The following SPAST variants were observed in gnomAD, a reference collection of about 807,000 sequenced individuals.
SPAST encodes spastic paraplegia 4 (autosomal dominant; spastin).
A neutral mutation model predicts 76.6 loss-of-function variants in SPAST; 30 were observed. The observed-to-expected ratio is 0.39, with a 90% CI of 0.29 to 0.53. The LOEUF (loss-of-function observed/expected upper bound fraction) is 0.53. SPAST is among the 20% of genes least tolerant of loss of function. The pLI is 0.68. For synonymous variants in SPAST, 305 were observed against 281.0 expected, an observed-to-expected ratio of 1.09 and a Z score of -0.86; for missense variants, 717 against 770.5, an observed-to-expected ratio of 0.93 and a Z score of 0.82.
intron 5 of SPAST, 130 bp from the exon 6 acceptor site, chr2:32,115,572 C>A: frequency 1.5e-6 from 1 of 656,660 alleles, no homozygotes; most frequent in South Asian, 2.2e-5. Context: ...AATAAATATA[C>A]AATTTATGGA....
chr2:32,071,319 A>G (rs1373738759), intron 1 of SPAST, among the ~76,000 whole-genome samples: 1 of 152,186 alleles, frequency 6.6e-6, no homozygotes, highest in African/African-American at 2.4e-5. Context: ...AATTTTTTCT[A>G]TTCATAGTTT....
At chr2:32,072,425 G>T (rs1181275354) in intron 1 of SPAST, among the ~76,000 whole-genome samples, 2 of 152,090 alleles carry the variant, frequency 1.3e-5, no homozygotes, top group Admixed American at 6.6e-5. Context: ...GCGTCTTATT[G>T]CTACAAAACA....
At chr2:32,093,820 T>A (rs530152993) in intron 3 of SPAST, among the ~76,000 whole-genome samples, 95 of 150,130 alleles carry the variant, frequency 6.3e-4, no homozygotes, top group Middle Eastern at 6.9e-3. Flanking sequence ...ATCTTAAAAA[T>A]ATATATATAT....
At chr2:32,093,615 C>T (rs1001603447) in intron 3 of SPAST, among the ~76,000 whole-genome samples, 1 of 152,094 alleles carries the variant, frequency 6.6e-6, no homozygotes, top group African/African-American at 2.4e-5. Flanking sequence ...TTATTGTGTA[C>T]TATCTGTCTT....
intron 7 of SPAST, among the ~76,000 whole-genome samples, chr2:32,117,688 C>A (rs1678888075): frequency 6.6e-6 from 1 of 151,916 alleles, no homozygotes; most frequent in African/African-American, 2.4e-5. Flanking sequence ...TGCACCCCAA[C>A]ACCTGGCTAA....
intron 4 of SPAST, among the ~76,000 whole-genome samples, chr2:32,110,748 T>C (rs962625095): frequency 2.2e-5 from 3 of 137,360 alleles, no homozygotes; most frequent in East Asian, 2.1e-4. Context: ...GTATAGTATA[T>C]ATAGTATAGT....
intron 15 of SPAST, 91 bp downstream of exon 15, chr2:32,145,098 T>C (rs1679844772): frequency 1.0e-6 from 1 of 958,656 alleles, no homozygotes; most frequent in Admixed American, 2.1e-5. Context: ...AAGAGATTTT[T>C]TTTTTCTTTT....
chr2:32,069,551 CT>C (rs36023742), intron 1 of SPAST, among the ~76,000 whole-genome samples: 124 of 139,596 alleles, frequency 8.9e-4, no homozygotes, highest in South Asian at 3.9e-3. Flanking sequence ...CATGACTTAT[CT>C]TTTTTTTTTT....
chr2:32,143,473 C>CT (rs1388579713), intron 14 of SPAST, 58 bp downstream of exon 14: 5 of 1,040,948 alleles, frequency 4.8e-6, no homozygotes, highest in South Asian at 2.8e-5. Flanking sequence ...GTAAATAATT[C>CT]TTTTTTTAGT....
intron 7 of SPAST, among the ~76,000 whole-genome samples, chr2:32,116,980 G>A (rs1367540205): frequency 6.6e-6 from 1 of 150,524 alleles, no homozygotes; most frequent in African/African-American, 2.4e-5. Flanking sequence ...AACAAAACAG[G>A]CCGGGTACGG....
chr2:32,076,295 A>G (rs1044856417), intron 1 of SPAST, among the ~76,000 whole-genome samples: 2 of 152,288 alleles, frequency 1.3e-5, no homozygotes, highest in African/African-American at 4.8e-5. Context: ...AGGGTTTAAA[A>G]CTTTCCAAAT....
chr2:32,106,544 G>A (rs1678329000), intron 4 of SPAST, among the ~76,000 whole-genome samples: 1 of 152,154 alleles, frequency 6.6e-6, no homozygotes, highest in African/African-American at 2.4e-5. Context: ...GCTCACACTG[G>A]GAGCTGCAGA....
In SPAST at chr2:32,113,560, CTTTTTTTTTTTTTT is replaced by C. The variant is rs10534612; in HGVS notation, c.683-1068_683-1055del. Among the ~76,000 whole-genome samples, 9 of 90,946 alleles carry C rather than the reference CTTTTTTTTTTTTTT, an allele frequency of 9.9e-5. No homozygotes were observed. In the East Asian group the frequency reaches 2.4e-3, roughly 25 times the overall value. 59.7% of individuals were successfully genotyped at this position (90,946 alleles called of 152,430 possible). A position where few individuals can be genotyped will look rare whatever the true frequency, so the allele number is the denominator to read the frequency against. ...TTTGAGAGCTTTATTTGCTTCATAA[CTTTTTTTTTTTTTT>C]TTTTTTTTTGAGACAGAGTTTCACT... is the stretch of plus-strand genomic sequence containing the variant. On this transcript the variant is annotated intron_variant, in intron 4 of 16. Transcript: ENST00000315285.
intron 1 of SPAST, among the ~76,000 whole-genome samples, chr2:32,076,536 A>G (rs1309631701): frequency 1.3e-5 from 2 of 152,058 alleles, no homozygotes; most frequent in Non-Finnish European, 1.5e-5. Context: ...TTACCAAATT[A>G]TAGTAGAAAG....
At chr2:32,126,085 G>A (rs1679183115) in intron 7 of SPAST, among the ~76,000 whole-genome samples, 1 of 152,134 alleles carries the variant, frequency 6.6e-6, no homozygotes, top group Non-Finnish European at 1.5e-5. Context: ...GTGAGCCACT[G>A]TAAGCCACCG....
At chr2:32,087,970 G>A (rs944359100) in intron 2 of SPAST, among the ~76,000 whole-genome samples, 3 of 151,498 alleles carry the variant, frequency 2.0e-5, no homozygotes, top group Admixed American at 6.6e-5. Flanking sequence ...TGCAATCTCC[G>A]CCTCCCGGAT....
intron 4 of SPAST, among the ~76,000 whole-genome samples, chr2:32,103,172 G>C (rs1182892502): frequency 2.0e-5 from 3 of 152,078 alleles, no homozygotes; most frequent in Admixed American, 6.6e-5. Context: ...CAGGGATTCA[G>C]CTTCTTCCTG....
At chr2:32,110,818 TATAG>T (rs1418817147) in intron 4 of SPAST, among the ~76,000 whole-genome samples, 13 of 119,710 alleles carry the variant, frequency 1.1e-4, no homozygotes, top group Non-Finnish European at 1.9e-4. Flanking sequence ...CTATATAGTA[TATAG>T]AGTATATATA....
In SPAST at chr2:32,144,924, T is replaced by C. The variant is rs752384468; in HGVS notation, c.1617-13T>C. On this transcript the variant is annotated splice_polypyrimidine_tract_variant and intron_variant, in intron 14 of 16. Coordinates refer to ENST00000315285, the MANE Select transcript of SPAST (RefSeq NM_014946.4). ...GGGGAAATAATTTGCTGTTTCTTCC[T>C]TCCCTTCCTCAGAATGACTGATGGA... 6 of 1,605,488 alleles carry C rather than the reference T, an allele frequency of 3.7e-6. No individual in the cohort carries two copies. The African/African-American group carries it at 6.7e-5, about 18-fold the overall frequency.
Sources: gnomAD v4.1 joint callset for allele counts (sites outside exome capture counted in the v4.1 genomes callset) on GRCh38, gnomAD v4.1.1 for gene constraint, MANE v1.5 for transcripts, NCBI Gene and HGNC (gene_info 2026-07-23, HGNC 2026-07-21) for gene names.